Variants in SDK1 observed in about 807,000 individuals in gnomAD.
SDK1 encodes the protein protein sidekick-1.
In SDK1, 157 loss-of-function variants were observed where a neutral mutation model predicts 245.5. That is an observed-to-expected ratio of 0.64 (90% CI 0.56 to 0.73). The LOEUF is 0.73. SDK1 is among the 30% of genes least tolerant of loss of function. SDK1 has a pLI of 0.00. For missense variants in SDK1, 3,583 were observed against 3,002.3 expected (o/e 1.19, Z -4.52); for synonymous variants, 1,647 against 1,278.5 (o/e 1.29, Z -6.15).
intron 1 of SDK1, among the ~76,000 whole-genome samples, chr7:3,452,693 G>C (rs1030948412): frequency 6.6e-6 from 1 of 152,108 alleles, no homozygotes; most frequent in Non-Finnish European, 1.5e-5. Context: ...GTGACATTTA[G>C]AATTCAAGGA....
At chr7:3,798,725 G>T (rs1779030287) in intron 4 of SDK1, among the ~76,000 whole-genome samples, 1 of 152,172 alleles carries the variant, frequency 6.6e-6, no homozygotes, top group African/African-American at 2.4e-5. Context: ...GTTCTTAGAA[G>T]CAAGTCTCTT....
intron 5 of SDK1, among the ~76,000 whole-genome samples, chr7:3,865,504 T>C (rs1780799312): frequency 6.6e-6 from 1 of 152,036 alleles, no homozygotes; most frequent in Non-Finnish European, 1.5e-5. Context: ...CTGAGTTCTT[T>C]TATTTTGTTT....
chr7:4,146,240 A>G (rs937233392), intron 29 of SDK1, among the ~76,000 whole-genome samples: 1 of 150,320 alleles, frequency 6.7e-6, no homozygotes, highest in African/African-American at 2.5e-5. Flanking sequence ...TCTCTCAGAC[A>G]TGTGAGCATT....
rs1782409940 is a variant in SDK1 at position 4,178,682 on chromosome 7, G to A, written c.5098+96G>A. On this transcript the variant is annotated intron_variant, in intron 35 of 44. Transcript: ENST00000404826. ...GGCCAAGCCCCTCAGGTGTCCAGCA[G>A]CGTTCTTTCTCCTTGAACACATTGC... The A allele has an allele frequency of 8.3e-6, 7 of 841,010 alleles. No homozygotes were observed. In the South Asian group the frequency reaches 9.8e-5, roughly 12 times the overall value. The allele number at this position is 841,010 out of a possible 1,614,324, so 52.1% of individuals were successfully genotyped here.
At chr7:3,527,253 A>G (rs778700868) in intron 1 of SDK1, among the ~76,000 whole-genome samples, 8 of 152,228 alleles carry the variant, frequency 5.3e-5, no homozygotes, top group African/African-American at 1.4e-4. Context: ...ATAAGATGCC[A>G]TATACAAATT....
intron 43 of SDK1, among the ~76,000 whole-genome samples, chr7:4,242,309 T>C (rs927903248): frequency 3.3e-5 from 5 of 152,172 alleles, no homozygotes; most frequent in African/African-American, 1.2e-4. Flanking sequence ...GCCTGGTGCT[T>C]GTTGCTGATT....
intron 17 of SDK1, among the ~76,000 whole-genome samples, chr7:4,035,888 T>G (rs1355530189): frequency 6.6e-6 from 1 of 152,236 alleles, no homozygotes; most frequent in East Asian, 1.9e-4. Flanking sequence ...ATGGGAAAAT[T>G]TACAAATCCA....
At chr7:4,193,204 A>G (rs1412785996) in intron 35 of SDK1, among the ~76,000 whole-genome samples, 1 of 132,980 alleles carries the variant, frequency 7.5e-6, no homozygotes, top group Non-Finnish European at 1.6e-5. Flanking sequence ...ATATATTTAT[A>G]TATTAATATA....
chr7:3,687,656 A>T (rs377252127), intron 4 of SDK1, among the ~76,000 whole-genome samples: 2 of 152,194 alleles, frequency 1.3e-5, no homozygotes, highest in African/African-American at 2.4e-5. Flanking sequence ...TTTATATGGC[A>T]TTGTGGGAAT....
chr7:3,650,972 C>A (rs1225478693), intron 4 of SDK1, among the ~76,000 whole-genome samples: 1 of 151,866 alleles, frequency 6.6e-6, no homozygotes, highest in African/African-American at 2.4e-5. Context: ...TGAAAGCAAT[C>A]TGGATTGTAT....
At chr7:3,617,314 G>A (rs190615481) in intron 1 of SDK1, among the ~76,000 whole-genome samples, 3 of 152,198 alleles carry the variant, frequency 2.0e-5, no homozygotes, top group Admixed American at 2.0e-4. Flanking sequence ...CAAGACTAAT[G>A]TACTGTAGAG....
intron 1 of SDK1, among the ~76,000 whole-genome samples, chr7:3,431,503 C>A (rs1779846956): frequency 6.6e-6 from 1 of 151,694 alleles, no homozygotes; most frequent in Non-Finnish European, 1.5e-5. Flanking sequence ...AAGTCACATT[C>A]TTTGCTGCTT....
chr7:4,136,775 A>G (rs868079213), intron 28 of SDK1, among the ~76,000 whole-genome samples: 6 of 152,182 alleles, frequency 3.9e-5, no homozygotes, highest in African/African-American at 1.2e-4. Context: ...AGGGCCTAAC[A>G]TTTACCTTTA....
chr7:3,943,420 G>T (rs935563086), intron 5 of SDK1, among the ~76,000 whole-genome samples: 9 of 2,170 alleles, frequency 4.1e-3, no homozygotes, highest in Non-Finnish European at 5.8e-3. Context: ...CTCCCCATTT[G>T]TGCTTCAGGG....
Position 4,022,776 on chromosome 7 carries a change from C to CTTT in SDK1, c.2602+5437_2602+5439dup, listed in dbSNP as rs770558246. Among the ~76,000 whole-genome samples the CTTT allele has an allele frequency of 7.4e-4, 102 of 138,154 alleles. 2 individuals are homozygous for CTTT. Among genetic ancestry groups the CTTT allele is most frequent in the African/African-American group, 2.6e-3 (95 of 36,092 alleles). The allele number at this position is 138,154 out of a possible 152,430, so 90.6% of individuals were successfully genotyped here. On this transcript the variant is annotated intron_variant, in intron 17 of 44. Coordinates refer to ENST00000404826, the MANE Select transcript of SDK1 (RefSeq NM_152744.4). ...TCGTTTTTCTTTTCTTTCTTTCTTT[C>CTTT]TTTTTTTTTTTTTTTGAGACAGAGT...
In SDK1 at chr7:3,328,663, T is replaced by C. The variant is rs188078410; in HGVS notation, c.298+26779T>C. On this transcript the variant is annotated intron_variant, in intron 1 of 44. Coordinates refer to ENST00000404826, the MANE Select transcript of SDK1 (RefSeq NM_152744.4). ...AAAATCTTTTTATGTTAGTATATAT[T>C]TCAAAAATTCATACAAATAGGATGA... is the stretch of plus-strand genomic sequence containing the variant. Among the ~76,000 whole-genome samples, 629 of 152,222 alleles carry C rather than the reference T, an allele frequency of 4.1e-3. 7 individuals carry two copies. The highest frequency in any genetic ancestry group is 0.018 in the South Asian group (85 of 4,828).
chr7:3,745,991 C>T (rs932644010), intron 4 of SDK1, among the ~76,000 whole-genome samples: 3 of 152,212 alleles, frequency 2.0e-5, no homozygotes, highest in East Asian at 1.9e-4. Context: ...CTTAACCTCT[C>T]TGTAGAGGTT....
chr7:3,629,191 C>T (rs2128647468), intron 2 of SDK1, among the ~76,000 whole-genome samples: 1 of 150,932 alleles, frequency 6.6e-6, no homozygotes. Context: ...GTCCCATCTA[C>T]TCGGGAGGCT....
In SDK1 at chr7:4,197,555, G is replaced by A. The variant is rs571295031; in HGVS notation, c.5099-8324G>A. ...AAAGAATGGATGCTTCGCGGTCAAGGCCTAATAGCCAGCCGGGCTGGGCTC... is the reference window on the plus strand; with the variant it reads ...AAAGAATGGATGCTTCGCGGTCAAGACCTAATAGCCAGCCGGGCTGGGCTC... On this transcript the variant is annotated intron_variant, in intron 35 of 44. Coordinates refer to ENST00000404826, the MANE Select transcript of SDK1 (RefSeq NM_152744.4). Among the ~76,000 whole-genome samples, 4 of 152,296 alleles carry A rather than the reference G, an allele frequency of 2.6e-5. No individual in the cohort carries two copies. In the South Asian group the frequency reaches 8.3e-4, roughly 32 times the overall value.
Sources: gnomAD v4.1 joint callset for allele counts (sites outside exome capture counted in the v4.1 genomes callset) on GRCh38, gnomAD v4.1.1 for gene constraint, MANE v1.5 for transcripts, NCBI Gene and HGNC (gene_info 2026-07-23, HGNC 2026-07-21) for gene names.